CSMD3: variants seen among roughly 807,000 people sequenced by gnomAD.
CSMD3 encodes the protein CUB and sushi domain-containing protein 3.
Under a neutral mutation model 435.2 loss-of-function variants are expected in CSMD3, and 177 were observed. That is an observed-to-expected ratio of 0.41 (90% CI 0.36 to 0.46). The LOEUF is 0.46. Among genes scored for constraint, CSMD3 ranks in the 20% least tolerant of loss-of-function variants. CSMD3 has a pLI of 0.34. For synonymous variants in CSMD3, 1,656 were observed against 1,520.5 expected, an observed-to-expected ratio of 1.09 and a Z score of -2.07; for missense variants, 4,265 against 4,504.6, an observed-to-expected ratio of 0.95 and a Z score of 1.52.
intron 13 of CSMD3, among the ~76,000 whole-genome samples, chr8:112,734,627 C>A (rs1176110397): frequency 6.6e-6 from 1 of 151,864 alleles, no homozygotes; most frequent in Non-Finnish European, 1.5e-5. Context: ...GGGTGCTTAA[C>A]AGGTAAGAAG....
intron 35 of CSMD3, among the ~76,000 whole-genome samples, chr8:112,392,838 C>T (rs893740394): frequency 6.6e-6 from 1 of 150,610 alleles, no homozygotes; most frequent in Non-Finnish European, 1.5e-5. Context: ...TCTGAATTCA[C>T]AGCTCACAGA....
chr8:112,859,332 T>C (rs1215977547), intron 10 of CSMD3, 66 bp from the exon 11 acceptor site: 3 of 1,333,456 alleles, frequency 2.2e-6, no homozygotes, highest in South Asian at 1.2e-5. Flanking sequence ...CAATAAAATA[T>C]CTTGCAAATA....
chr8:113,427,661 T>C (rs989888301), intron 1 of CSMD3, among the ~76,000 whole-genome samples: 4 of 151,694 alleles, frequency 2.6e-5, no homozygotes, highest in African/African-American at 7.2e-5. Context: ...AGGACACTTA[T>C]GGACTGAAAT....
intron 4 of CSMD3, among the ~76,000 whole-genome samples, chr8:113,145,793 T>A (rs1007678243): frequency 6.6e-6 from 1 of 151,644 alleles, no homozygotes; most frequent in Non-Finnish European, 1.5e-5. Context: ...TCTTTATGGA[T>A]AAATGAATAT....
chr8:113,280,507 A>G (rs1033590548), intron 2 of CSMD3, among the ~76,000 whole-genome samples: 1 of 151,816 alleles, frequency 6.6e-6, no homozygotes, highest in Non-Finnish European at 1.5e-5. Flanking sequence ...GTCAGTTGTA[A>G]TATCTCCTGT....
chr8:112,629,104 C>T (rs1347621100), intron 22 of CSMD3, among the ~76,000 whole-genome samples: 11 of 152,124 alleles, frequency 7.2e-5, no homozygotes, highest in Non-Finnish European at 1.6e-4. Flanking sequence ...CTGTCTTGAA[C>T]GATGACAGGG....
rs61496543 is a variant in CSMD3 at position 112,430,896 on chromosome 8, A to ATGTGTG, written c.5396-21870_5396-21865dup. Among the ~76,000 whole-genome samples the ATGTGTG allele has an allele frequency of 1.7e-3, 258 of 148,688 alleles. 1 individual carries two copies. Among genetic ancestry groups the ATGTGTG allele is most frequent in the Middle Eastern group, 3.4e-3 (1 of 292 alleles). On this transcript the variant is annotated intron_variant, in intron 32 of 70. Coordinates refer to ENST00000297405, the MANE Select transcript of CSMD3 (RefSeq NM_198123.2). ...AGTTGTTACGGGTGTTTGTGTGTAT[A>ATGTGTG]TGTGTGTGTGTGTGTGTGTGTGTGT...
chr8:113,022,652 G>A (rs2086724444), intron 5 of CSMD3, among the ~76,000 whole-genome samples: 1 of 151,556 alleles, frequency 6.6e-6, no homozygotes, highest in Non-Finnish European at 1.5e-5. Context: ...AACCACTAAA[G>A]GGGATTTAGG....
At chr8:112,563,544 C>A (rs1343126505) in intron 24 of CSMD3, among the ~76,000 whole-genome samples, 1 of 151,642 alleles carries the variant, frequency 6.6e-6, no homozygotes, top group East Asian at 1.9e-4. Flanking sequence ...AAGTTTGTAT[C>A]CTGTACATCA....
At chr8:113,300,659 T>G (rs148869602) in intron 2 of CSMD3, among the ~76,000 whole-genome samples, 1 of 151,894 alleles carries the variant, frequency 6.6e-6, no homozygotes, top group African/African-American at 2.4e-5. Context: ...GACATACAGA[T>G]GGGAACAATA....
intron 1 of CSMD3, among the ~76,000 whole-genome samples, chr8:113,329,885 A>G (rs1223573642): frequency 1.3e-5 from 2 of 152,166 alleles, no homozygotes; most frequent in Non-Finnish European, 2.9e-5. Context: ...ACATTTGAAA[A>G]AAATAAAAAC....
intron 31 of CSMD3, among the ~76,000 whole-genome samples, chr8:112,474,809 T>C (rs143402510): frequency 1.2e-3 from 180 of 152,316 alleles, no homozygotes; most frequent in African/African-American, 4.1e-3. Context: ...TTGTATTGCG[T>C]TGAGTGATGA....
chr8:112,742,738 T>A (rs112962473), intron 13 of CSMD3, among the ~76,000 whole-genome samples: 17 of 151,986 alleles, frequency 1.1e-4, no homozygotes, highest in African/African-American at 4.1e-4. Flanking sequence ...AAAGGAACAT[T>A]AATAGCAGTC....
chr8:113,182,568 CAAAAA>C (rs534028694), intron 3 of CSMD3, among the ~76,000 whole-genome samples: 1 of 150,094 alleles, frequency 6.7e-6, no homozygotes, highest in African/African-American at 2.5e-5. Flanking sequence ...AAAACAAAAA[CAAAAA>C]AAACTCACAA....
At chr8:113,349,255 A>T (rs1189145141) in intron 1 of CSMD3, among the ~76,000 whole-genome samples, 1 of 151,950 alleles carries the variant, frequency 6.6e-6, no homozygotes, top group Non-Finnish European at 1.5e-5. Flanking sequence ...CATATAAACC[A>T]CCCCTTTTAA....
intron 53 of CSMD3, among the ~76,000 whole-genome samples, chr8:112,299,412 T>A (rs1033234530): frequency 6.6e-6 from 1 of 152,146 alleles, no homozygotes; most frequent in Non-Finnish European, 1.5e-5. Context: ...ATGGTATGCA[T>A]GCTTAATATT....
chr8:112,744,530 ATTAT>A (rs1291387397), intron 13 of CSMD3, among the ~76,000 whole-genome samples: 4 of 152,048 alleles, frequency 2.6e-5, no homozygotes, highest in Non-Finnish European at 5.9e-5. Flanking sequence ...AATGATTGTA[ATTAT>A]TTATAAATTG....
chr8:112,904,260 A>G (rs2082192033), intron 10 of CSMD3, among the ~76,000 whole-genome samples: 1 of 151,452 alleles, frequency 6.6e-6, no homozygotes, highest in South Asian at 2.1e-4. Context: ...ATTCTTGGAA[A>G]ATACTAAGAC....
At chr8:112,495,707 T>C (rs1821266388) in intron 30 of CSMD3, among the ~76,000 whole-genome samples, 2 of 152,152 alleles carry the variant, frequency 1.3e-5, no homozygotes, top group Non-Finnish European at 2.9e-5. Flanking sequence ...ATAAAAATTA[T>C]GAGGCAGACA....
Sources: allele counts gnomAD v4.1 joint callset (sites outside exome capture counted in the v4.1 genomes callset), GRCh38; gene constraint gnomAD v4.1.1; transcripts MANE v1.5; gene names NCBI Gene and HGNC (gene_info 2026-07-23, HGNC 2026-07-21).